The following KCNC3 variants were observed in gnomAD, a reference collection of about 807,000 sequenced individuals.
The protein encoded by KCNC3 is potassium voltage-gated channel subfamily C member 3, also known as voltage-gated potassium channel KCNC3.
A neutral mutation model predicts 43.9 loss-of-function variants in KCNC3; 22 were observed. The observed-to-expected ratio is 0.50, with a 90% CI of 0.36 to 0.72. The LOEUF (loss-of-function observed/expected upper bound fraction) is 0.72, where lower values mean the gene tolerates loss of function less well. Among genes scored for constraint, KCNC3 ranks in the 30% least tolerant of loss-of-function variants. The probability of loss-of-function intolerance (pLI) is 0.00; values close to 1 mark genes in which losing one functional copy is unlikely to be tolerated. For missense variants in KCNC3, 829 were observed against 1,073.8 expected (o/e 0.77, Z 3.19); for synonymous variants, 492 against 488.0 (o/e 1.01, Z -0.11).
intron 1 of KCNC3, among the ~76,000 whole-genome samples, chr19:50,325,282 T>C (rs1297133936): frequency 6.6e-6 from 1 of 151,594 alleles, no homozygotes; most frequent in Non-Finnish European, 1.5e-5. Context: ...GGTGTTATAG[T>C]AAAGAGAGGG....
Position 50,312,302 on chromosome 19 carries a change from C to CTGTGTGTGTGTGTGTG in KCNC3, c.*3797_*3812dup, listed in dbSNP as rs10666239. On this transcript the variant is annotated 3_prime_UTR_variant, in exon 5 of 5. Coordinates refer to ENST00000477616, the MANE Select transcript of KCNC3 (RefSeq NM_004977.3). ...ATTTGAGTGAGAGAAACTTATTGCT[C>CTGTGTGTGTGTGTGTG]TGTGTGTGTGTGTGTGTGTGTTGGG... 1 of 148,804 alleles carries CTGTGTGTGTGTGTGTG rather than the reference C, an allele frequency of 6.7e-6. No homozygotes were observed. Among genetic ancestry groups the CTGTGTGTGTGTGTGTG allele is most frequent in the African/African-American group, 2.5e-5 (1 of 40,452 alleles). 9.2% of individuals were successfully genotyped at this position (148,804 alleles called of 1,614,324 possible).
At position 50,328,878 on chromosome 19, in the gene KCNC3, A is replaced by G; in HGVS notation, c.205T>C (p.Cys69Arg). 1 of 1,166,904 alleles carries G rather than the reference A, an allele frequency of 8.6e-7. No homozygotes were observed. Among genetic ancestry groups the G allele is most frequent in the South Asian group, 3.8e-5 (1 of 26,056 alleles). The allele number at this position is 1,166,904 out of a possible 1,614,324, so 72.3% of individuals were successfully genotyped here. A position where few individuals can be genotyped will look rare whatever the true frequency, so the allele number is the denominator to read the frequency against. ...RGPGDRRAEP[C>R]PGLPAAAMGR... ...ATGGCCGCCGCCGGCAGCCCGGGGC[A>G]TGGCTCGGCGCGCCGGTCCCCGGGC... Residue 69 changes from cysteine (C) to arginine (R), a missense_variant, in exon 1 of 5, where the codon TGC becomes CGC. This residue lies in a region of KCNC3 where 129 missense variants were observed against 83.6 expected (regional missense o/e 1.54). Transcript: ENST00000477616.
At chr19:50,322,854 GTT>G (rs971292150) in intron 2 of KCNC3, 119 bp downstream of exon 2, 4 of 1,024,290 alleles carry the variant, frequency 3.9e-6, no homozygotes, top group Non-Finnish European at 4.2e-6. Context: ...CCTGCTGTTG[GTT>G]TTTTTCTCCC....
rs1194813215 is a variant in KCNC3, at chr19:50,323,411, C to A, written c.1542G>T (p.Trp514Cys). 1 of 1,614,218 alleles carries A rather than the reference C, an allele frequency of 6.2e-7. No homozygotes were observed. Among genetic ancestry groups the A allele is most frequent in the South Asian group, 1.1e-5 (1 of 91,088 alleles). Reference protein sequence around the residue: ...LGYGDMYPKTWSGMLVGALCA... With the variant: ...LGYGDMYPKTCSGMLVGALCA... ...ACAGCGCCCCGACCAGCATCCCCGA[C>A]CACGTCTTGGGGTACATGTCTCCAT... The change falls in exon 2 of 5, where the codon TGG becomes TGT. Residue 514 changes from tryptophan to cysteine, a missense_variant. This residue lies in a region of KCNC3 where 33 missense variants were observed against 96.0 expected (regional missense o/e 0.34). Coordinates refer to ENST00000477616, the MANE Select transcript of KCNC3 (RefSeq NM_004977.3).
In KCNC3 at chr19:50,313,185, C is replaced by G. The variant is rs2036902754; in HGVS notation, c.*2930G>C. 1.3e-5 allele frequency: 2 copies of G among 152,038 alleles called. No individual in the cohort carries two copies. Among genetic ancestry groups the G allele is most frequent in the Non-Finnish European group, 2.9e-5 (2 of 68,018 alleles). 9.4% of individuals were successfully genotyped at this position (152,038 alleles called of 1,614,324 possible). A position where few individuals can be genotyped will look rare whatever the true frequency, so the allele number is the denominator to read the frequency against. Reference sequence around the variant, plus strand: ...AGGATAGGAGGTGGGAAATGATTTTCCACCCGCGAGCGTGACGCGGTGAGG... The same window carrying G: ...AGGATAGGAGGTGGGAAATGATTTTGCACCCGCGAGCGTGACGCGGTGAGG... On this transcript the variant is annotated 3_prime_UTR_variant, in exon 5 of 5. Transcript: ENST00000477616.
At position 50,324,150 on chromosome 19, in the gene KCNC3, A is replaced by C; in HGVS notation, c.871-68T>G. The stretch of plus-strand genomic sequence containing the variant: ...GCATCAGGTTGGCCATAACATCCAG[A>C]AGACCCTTCCAGTGCCCCCTTCCCC... On this transcript the variant is annotated intron_variant, in intron 1 of 4. Transcript: ENST00000477616. This position sits in a 1 kb window ranked among gnomAD's most constrained non-coding sequence, Gnocchi z 4.1. The C allele has an allele frequency of 6.8e-7, 1 of 1,480,534 alleles. No individual in the cohort carries two copies. Among genetic ancestry groups the C allele is most frequent in the Non-Finnish European group, 9.0e-7 (1 of 1,106,156 alleles). 91.7% of individuals were successfully genotyped at this position (1,480,534 alleles called of 1,614,324 possible).
chr19:50,328,705 G>A lies in KCNC3; in HGVS notation c.378C>T (p.Phe126=), dbSNP rs760501426. Residue 126 remains phenylalanine, a synonymous_variant, in exon 1 of 5, where the codon TTC becomes TTT. Coordinates refer to ENST00000477616, the MANE Select transcript of KCNC3 (RefSeq NM_004977.3). ...GLTEPEAAAR[F]DYDPGADEFF... is the part of the protein sequence containing the mutation. The stretch of plus-strand genomic sequence containing the variant: ...ACTCGTCGGCGCCCGGGTCGTAGTC[G>A]AAGCGTGCCGCCGCCTCGGGCTCCG... The A allele has an allele frequency of 5.6e-6, 9 of 1,600,786 alleles. No individual in the cohort carries two copies. In the South Asian group the frequency reaches 1.0e-4, roughly 18 times the overall value.
intron 1 of KCNC3, among the ~76,000 whole-genome samples, chr19:50,325,599 C>A (rs1251532805): frequency 6.6e-6 from 1 of 152,160 alleles, no homozygotes; most frequent in Non-Finnish European, 1.5e-5. Context: ...CCCCCACCCC[C>A]ACCTTCGCTT....
chr19:50,321,777 GA>G (rs895495614), intron 2 of KCNC3, among the ~76,000 whole-genome samples: 11 of 145,714 alleles, frequency 7.5e-5, no homozygotes, highest in East Asian at 2.0e-4. Context: ...CTTGGAATAA[GA>G]AAAAAAAAAG....
chr19:50,314,729 G>A lies in KCNC3; in HGVS notation c.*1386C>T, dbSNP rs2036923291. ...GGGTGTCTGCTGGCATCGTCATCTC[G>A]GTTGCATATTATTAATGACTTTTTG... is the stretch of plus-strand genomic sequence containing the variant. On this transcript the variant is annotated 3_prime_UTR_variant, in exon 5 of 5. Coordinates refer to ENST00000477616, the MANE Select transcript of KCNC3 (RefSeq NM_004977.3). 4.5e-6 allele frequency: 2 copies of A among 443,184 alleles called. No homozygotes were observed. Among genetic ancestry groups the A allele is most frequent in the Non-Finnish European group, 4.5e-6 (1 of 221,914 alleles). 27.5% of individuals were successfully genotyped at this position (443,184 alleles called of 1,614,324 possible). A position where few individuals can be genotyped will look rare whatever the true frequency, so the allele number is the denominator to read the frequency against.
intron 2 of KCNC3, among the ~76,000 whole-genome samples, chr19:50,322,723 G>A (rs2037048963): frequency 6.6e-6 from 1 of 152,110 alleles, no homozygotes; most frequent in South Asian, 2.1e-4. Context: ...CACAGCTGAT[G>A]ACACTGCCTC....
At chr19:50,318,334 A>C (rs995364864) in intron 4 of KCNC3, among the ~76,000 whole-genome samples, 4 of 151,780 alleles carry the variant, frequency 2.6e-5, no homozygotes, top group African/African-American at 4.8e-5. Context: ...ACCACCACGC[A>C]TGGCTAATTT....
chr19:50,330,521 G>C (rs1052412048), upstream of KCNC3, among the ~76,000 whole-genome samples: 1 of 152,126 alleles, frequency 6.6e-6, no homozygotes, highest in Non-Finnish European at 1.5e-5. Context: ...AGACCTGGGA[G>C]AGGGCACTGC....
In KCNC3 at chr19:50,328,696, G is replaced by A; in HGVS notation, c.387C>T (p.Asp129=). Residue 129 remains aspartate, a synonymous_variant, in exon 1 of 5, where the codon GAC becomes GAT. Coordinates refer to ENST00000477616, the MANE Select transcript of KCNC3 (RefSeq NM_004977.3). ...CAAAGAAGAACTCGTCGGCGCCCGG[G>A]TCGTAGTCGAAGCGTGCCGCCGCCT... ...EPEAAARFDY[D]PGADEFFFDR... The A allele has an allele frequency of 6.2e-7, 1 of 1,604,002 alleles. No individual in the cohort carries two copies. The highest frequency in any genetic ancestry group is 2.3e-5 in the East Asian group (1 of 44,388).
In KCNC3 at chr19:50,314,955, C is replaced by T. The variant is rs1022453578; in HGVS notation, c.*1160G>A. The stretch of plus-strand genomic sequence containing the variant: ...AGGCGCAGGGACACCCCGCTCAGGC[C>T]CGCGATGCTGCTGAGGCTGCGGGAT... On this transcript the variant is annotated 3_prime_UTR_variant, in exon 5 of 5. Transcript: ENST00000477616. The T allele has an allele frequency of 2.7e-5, 8 of 294,008 alleles. No individual in the cohort carries two copies. The highest frequency in any genetic ancestry group is 5.3e-5 in the Non-Finnish European group (8 of 150,748). The allele number at this position is 294,008 out of a possible 1,614,324, so 18.2% of individuals were successfully genotyped here.
intron 1 of KCNC3, among the ~76,000 whole-genome samples, chr19:50,326,919 C>T (rs1410390481): frequency 6.0e-5 from 2 of 33,254 alleles, no homozygotes; most frequent in African/African-American, 1.4e-4. Flanking sequence ...GGGTTTTGCA[C>T]GGCGGGGGGG....
chr19:50,320,863 C>T (rs1217006805), intron 2 of KCNC3, 79 bp from the exon 3 acceptor site: 20 of 1,387,184 alleles, frequency 1.4e-5, no homozygotes, highest in East Asian at 7.1e-5. Flanking sequence ...AAGATGTCTG[C>T]GAGGAGCAGA....
rs1404284666 is a variant in KCNC3, at chr19:50,315,085, G to A, written c.*1030C>T. The A allele has an allele frequency of 5.2e-6, 1 of 191,994 alleles. No homozygotes were observed. The highest frequency in any genetic ancestry group is 1.1e-5 in the Non-Finnish European group (1 of 93,580). The allele number at this position is 191,994 out of a possible 1,614,324, so 11.9% of individuals were successfully genotyped here. On this transcript the variant is annotated 3_prime_UTR_variant, in exon 5 of 5. Transcript: ENST00000477616. ...GAGAGACCCAAGGCAGGGAGAAAGA[G>A]ACAGAGAGAGAAAGAAATGGAAGGG...
chr19:50,322,889 C>G, intron 2 of KCNC3, 86 bp downstream of exon 2: 1 of 1,421,068 alleles, frequency 7.0e-7, no homozygotes, highest in Non-Finnish European at 9.5e-7. Flanking sequence ...CGCCAACCAC[C>G]CCAGGTTCTC....
Sources: allele counts gnomAD v4.1 joint callset (sites outside exome capture counted in the v4.1 genomes callset), GRCh38; gene constraint gnomAD v4.1.1; regional missense constraint gnomAD v4.1.1; non-coding constraint Gnocchi (gnomAD v3.1); transcripts MANE v1.5; gene names NCBI Gene and HGNC (gene_info 2026-07-23, HGNC 2026-07-21).